PTPRD: variants seen among roughly 807,000 people sequenced by gnomAD.
PTPRD encodes the protein receptor-type tyrosine-protein phosphatase delta.
In PTPRD, 34 loss-of-function variants were observed where a neutral mutation model predicts 214.5. The ratio of observed to expected loss-of-function variants is 0.16; its 90% CI spans 0.12 to 0.21. The LOEUF (loss-of-function observed/expected upper bound fraction) is 0.21, where lower values mean the gene tolerates loss of function less well. PTPRD is among the 10% of genes least tolerant of loss of function. The probability of loss-of-function intolerance (pLI) is 1.00; values close to 1 mark genes in which losing one functional copy is unlikely to be tolerated. For synonymous variants in PTPRD, 1,128 were observed against 845.7 expected, an observed-to-expected ratio of 1.33 and a Z score of -5.79; for missense variants, 2,545 against 2,398.7, an observed-to-expected ratio of 1.06 and a Z score of -1.27.
At chr9:10,138,581 T>A (rs1287134582) in intron 3 of PTPRD, among the ~76,000 whole-genome samples, 1 of 152,082 alleles carries the variant, frequency 6.6e-6, no homozygotes, top group African/African-American at 2.4e-5. Context: ...AACATCATCC[T>A]GAAACCAAAA....
chr9:9,829,334 T>C (rs1565581541), intron 5 of PTPRD, among the ~76,000 whole-genome samples: 1 of 151,810 alleles, frequency 6.6e-6, no homozygotes, highest in East Asian at 1.9e-4. Flanking sequence ...CTGTGATAAA[T>C]ATATCAAATA....
intron 11 of PTPRD, among the ~76,000 whole-genome samples, chr9:8,927,958 G>C (rs888783705): frequency 6.6e-6 from 1 of 152,194 alleles, no homozygotes; most frequent in African/African-American, 2.4e-5. Context: ...CTAATGACCA[G>C]TGATGATGAG....
chr9:10,247,239 A>G (rs1232158791), intron 3 of PTPRD, among the ~76,000 whole-genome samples: 1 of 152,158 alleles, frequency 6.6e-6, no homozygotes, highest in Non-Finnish European at 1.5e-5. Context: ...CCATGCCTAA[A>G]TGGTACTTCC....
In PTPRD at chr9:8,688,630, AG is replaced by A. The variant is rs201405223; in HGVS notation, c.64+45149del. 9.9e-3 allele frequency among the ~76,000 whole-genome samples: 1,506 copies of A among 151,958 alleles called. 14 individuals carry two copies. Among genetic ancestry groups the A allele is most frequent in the Middle Eastern group, 0.027 (8 of 294 alleles). ...CTGGATAGCAATAAGTTATAAAAAA[AG>A]AAAGTTATGTAAGAAGAAAAACATT... On this transcript the variant is annotated intron_variant, in intron 12 of 45. Transcript: ENST00000381196.
chr9:8,536,165 T>C (rs902761740), intron 14 of PTPRD, among the ~76,000 whole-genome samples: 1 of 151,964 alleles, frequency 6.6e-6, no homozygotes, highest in South Asian at 2.1e-4. Context: ...AGATTTGGTG[T>C]CTTTTTATTG....
chr9:9,786,448 G>C (rs2154493206), intron 5 of PTPRD, among the ~76,000 whole-genome samples: 1 of 152,268 alleles, frequency 6.6e-6, no homozygotes, highest in East Asian at 1.9e-4. Flanking sequence ...ATAAGCATAA[G>C]AGTAAAATAA....
intron 6 of PTPRD, among the ~76,000 whole-genome samples, chr9:9,736,619 C>T (rs1214813288): frequency 6.6e-6 from 1 of 151,944 alleles, no homozygotes; most frequent in African/African-American, 2.4e-5. Flanking sequence ...TTCTTTTCTG[C>T]TTAATTTTAG....
intron 10 of PTPRD, among the ~76,000 whole-genome samples, chr9:9,167,293 C>A (rs116999312): frequency 6.6e-6 from 1 of 150,612 alleles, no homozygotes; most frequent in Non-Finnish European, 1.5e-5. Flanking sequence ...AAATGCAATG[C>A]AAGATGGTGT....
At chr9:9,795,513 T>G (rs754848259) in intron 5 of PTPRD, among the ~76,000 whole-genome samples, 6 of 152,050 alleles carry the variant, frequency 3.9e-5, no homozygotes, top group Non-Finnish European at 8.8e-5. Flanking sequence ...ATGAAACAAA[T>G]AAAGTATAAG....
Position 9,139,441 on chromosome 9 carries a change from A to AT in PTPRD, c.-143+43862dup, listed in dbSNP as rs755109473. Among the ~76,000 whole-genome samples the AT allele has an allele frequency of 4.1e-4, 62 of 152,316 alleles. 3 individuals are homozygous for AT. The East Asian group carries it at 4.2e-3, about 10-fold the overall frequency. On this transcript the variant is annotated intron_variant, in intron 10 of 45. Coordinates refer to ENST00000381196, the MANE Select transcript of PTPRD (RefSeq NM_002839.4). Reference sequence around the variant, plus strand: ...ACTTACATCCCTATGATAGAGTTTAATTTATAAGTTAGGCACAGTATGAGA... The same window carrying AT: ...ACTTACATCCCTATGATAGAGTTTAATTTTATAAGTTAGGCACAGTATGAGA...
chr9:8,881,117 C>T (rs1425852478), intron 11 of PTPRD, among the ~76,000 whole-genome samples: 1 of 152,142 alleles, frequency 6.6e-6, no homozygotes, highest in Non-Finnish European at 1.5e-5. Context: ...TTCATTTCTT[C>T]TGTCATTTAT....
intron 3 of PTPRD, among the ~76,000 whole-genome samples, chr9:10,091,733 T>A (rs1022114354): frequency 6.6e-6 from 1 of 151,108 alleles, no homozygotes; most frequent in African/African-American, 2.4e-5. Flanking sequence ...CTGTTACAGA[T>A]CATGATTGCA....
At chr9:9,866,884 C>A (rs915312986) in intron 5 of PTPRD, among the ~76,000 whole-genome samples, 2 of 152,090 alleles carry the variant, frequency 1.3e-5, no homozygotes, top group African/African-American at 2.4e-5. Context: ...GTATCTAGAA[C>A]AACAAAGTTC....
At chr9:10,137,592 C>T (rs2098951218) in intron 3 of PTPRD, among the ~76,000 whole-genome samples, 1 of 88,690 alleles carries the variant, frequency 1.1e-5, no homozygotes, top group Non-Finnish European at 2.1e-5. Flanking sequence ...GGGAGATATA[C>T]CTAATGCTAG....
intron 8 of PTPRD, among the ~76,000 whole-genome samples, chr9:9,448,606 T>C (rs2091215410): frequency 6.6e-6 from 1 of 152,062 alleles, no homozygotes; most frequent in East Asian, 1.9e-4. Flanking sequence ...TTTACAGCAG[T>C]GTGAAAACAG....
At chr9:8,789,302 G>A (rs2096126645) in intron 11 of PTPRD, among the ~76,000 whole-genome samples, 1 of 152,164 alleles carries the variant, frequency 6.6e-6, no homozygotes, top group South Asian at 2.1e-4. Flanking sequence ...GCACAGAGGT[G>A]GTTGTCTGAC....
chr9:8,541,788 CT>C (rs1320512483), intron 14 of PTPRD, among the ~76,000 whole-genome samples: 1 of 152,156 alleles, frequency 6.6e-6, no homozygotes, highest in Non-Finnish European at 1.5e-5. Context: ...TGATTTATTT[CT>C]TTTCGAAATG....
chr9:10,308,456 T>G (rs1315066079), intron 3 of PTPRD, among the ~76,000 whole-genome samples: 1 of 152,108 alleles, frequency 6.6e-6, no homozygotes, highest in African/African-American at 2.4e-5. Context: ...GCTGTCTTGT[T>G]TACTGTAGCT....
At chr9:10,533,381 G>C (rs1418455174) in intron 2 of PTPRD, among the ~76,000 whole-genome samples, 2 of 152,048 alleles carry the variant, frequency 1.3e-5, no homozygotes, top group Non-Finnish European at 2.9e-5. Context: ...CTGTTGACAA[G>C]GAAAAATATT....
Sources: allele counts gnomAD v4.1 joint callset (sites outside exome capture counted in the v4.1 genomes callset), GRCh38; gene constraint gnomAD v4.1.1; transcripts MANE v1.5; gene names NCBI Gene and HGNC (gene_info 2026-07-23, HGNC 2026-07-21).